DDR2: variants seen among roughly 807,000 people sequenced by gnomAD.
DDR2 encodes the protein discoidin domain receptor tyrosine kinase 2.
DDR2 carries 27 observed loss-of-function variants against 94.9 expected under a neutral mutation model. The observed-to-expected ratio is 0.28, with a 90% CI of 0.21 to 0.39. The LOEUF (loss-of-function observed/expected upper bound fraction) is 0.39. Among genes scored for constraint, DDR2 ranks in the 10% least tolerant of loss-of-function variants. DDR2 has a pLI of 1.00. For missense variants in DDR2, 783 were observed against 1,076.0 expected (o/e 0.73, Z 3.81); for synonymous variants, 382 against 377.2 (o/e 1.01, Z -0.15).
chr1:162,666,527 C>A (rs1658576484), intron 2 of DDR2, among the ~76,000 whole-genome samples: 1 of 151,988 alleles, frequency 6.6e-6, no homozygotes. Flanking sequence ...TTGAGTAAAC[C>A]CCTTTATCAC....
At chr1:162,667,522 C>T (rs1658643103) in intron 2 of DDR2, among the ~76,000 whole-genome samples, 1 of 152,146 alleles carries the variant, frequency 6.6e-6, no homozygotes, top group Admixed American at 6.5e-5. Flanking sequence ...CAGGCAGTCA[C>T]ACTAAATTGT....
intron 9 of DDR2, among the ~76,000 whole-genome samples, 182 bp from the exon 10 acceptor site, chr1:162,765,819 G>A (rs751335573): frequency 1.3e-5 from 2 of 149,732 alleles, no homozygotes; most frequent in Non-Finnish European, 3.0e-5. Flanking sequence ...AGGAAAACTT[G>A]CTTTTACTAT....
intron 2 of DDR2, among the ~76,000 whole-genome samples, chr1:162,703,880 C>T (rs920772594): frequency 3.9e-5 from 6 of 152,172 alleles, no homozygotes; most frequent in African/African-American, 1.4e-4. Flanking sequence ...ACTTTGTGCG[C>T]ATGCCGGGAT....
At chr1:162,698,739 A>T (rs1660301454) in intron 2 of DDR2, among the ~76,000 whole-genome samples, 1 of 152,160 alleles carries the variant, frequency 6.6e-6, no homozygotes, top group South Asian at 2.1e-4. Context: ...GCTTGTAGGC[A>T]CTTTGTAATT....
At chr1:162,649,460 C>T (rs1311739360) in intron 1 of DDR2, among the ~76,000 whole-genome samples, 1 of 152,176 alleles carries the variant, frequency 6.6e-6, no homozygotes. Context: ...AACTGGTGAT[C>T]TTGGGTAAGT....
At chr1:162,753,519 C>A (rs762830089) in intron 4 of DDR2, among the ~76,000 whole-genome samples, 41 of 152,170 alleles carry the variant, frequency 2.7e-4, no homozygotes, top group Non-Finnish European at 5.6e-4. Flanking sequence ...AGGAGGCAGG[C>A]AACAGTGGCA....
intron 2 of DDR2, among the ~76,000 whole-genome samples, chr1:162,710,513 T>C (rs1660852795): frequency 1.3e-5 from 2 of 152,212 alleles, no homozygotes; most frequent in African/African-American, 4.8e-5. Context: ...TGTATGTGTT[T>C]GAGGGCCCAT....
At position 162,785,724 on chromosome 1, in the gene DDR2, G is replaced by A. The variant is rs1214094368; in HGVS notation, c.*5478G>A. On this transcript the variant is annotated 3_prime_UTR_variant, in exon 18 of 18. Coordinates refer to ENST00000367921, the MANE Select transcript of DDR2 (RefSeq NM_006182.4). ...GAATGTAGGGAGAATTGTTTTGCTT[G>A]TAACATGGAGAGTTTATTTTCAAGT... 6.6e-6 allele frequency: 1 copy of A among 152,198 alleles called. No individual in the cohort carries two copies. Among genetic ancestry groups the A allele is most frequent in the African/African-American group, 2.4e-5 (1 of 41,450 alleles). The allele number at this position is 152,198 out of a possible 1,614,324, so 9.4% of individuals were successfully genotyped here.
chr1:162,700,784 CAA>C (rs778193769), intron 2 of DDR2, among the ~76,000 whole-genome samples: 2 of 152,156 alleles, frequency 1.3e-5, no homozygotes, highest in Non-Finnish European at 2.9e-5. Flanking sequence ...AGGTGTTACT[CAA>C]AGTCATTAAT....
At chr1:162,717,052 T>A (rs1661199920) in intron 2 of DDR2, among the ~76,000 whole-genome samples, 1 of 152,142 alleles carries the variant, frequency 6.6e-6, no homozygotes, top group African/African-American at 2.4e-5. Context: ...AGAACAGTTT[T>A]TTTTTTTTTG....
chr1:162,727,479 T>C (rs1661749634), intron 3 of DDR2, among the ~76,000 whole-genome samples: 1 of 146,220 alleles, frequency 6.8e-6, no homozygotes, highest in Non-Finnish European at 1.5e-5. Context: ...TTACATGTTA[T>C]ATAGATATAT....
intron 2 of DDR2, among the ~76,000 whole-genome samples, chr1:162,702,057 AG>A (rs1451585049): frequency 6.6e-6 from 1 of 152,160 alleles, no homozygotes; most frequent in African/African-American, 2.4e-5. Context: ...CTAGTCACAA[AG>A]CCCAATTTAC....
chr1:162,713,879 G>T (rs1384470264), intron 2 of DDR2, among the ~76,000 whole-genome samples: 1 of 152,036 alleles, frequency 6.6e-6, no homozygotes, highest in Non-Finnish European at 1.5e-5. Flanking sequence ...AGAAATTATG[G>T]TATATGTATT....
chr1:162,711,061 G>A (rs957105668), intron 2 of DDR2, among the ~76,000 whole-genome samples: 1 of 152,182 alleles, frequency 6.6e-6, no homozygotes, highest in Non-Finnish European at 1.5e-5. Context: ...ATAGTCCCTA[G>A]CTTTTGGATC....
intron 3 of DDR2, among the ~76,000 whole-genome samples, chr1:162,749,125 A>G (rs933731508): frequency 6.6e-6 from 1 of 152,214 alleles, no homozygotes; most frequent in Non-Finnish European, 1.5e-5. Context: ...CACATTCAAA[A>G]GCTAGCAGAA....
chr1:162,641,342 A>C (rs2101888968), intron 1 of DDR2, among the ~76,000 whole-genome samples: 1 of 152,200 alleles, frequency 6.6e-6, no homozygotes, highest in East Asian at 1.9e-4. Flanking sequence ...CCTAGTTGTC[A>C]CCCTGTCCCC....
intron 3 of DDR2, among the ~76,000 whole-genome samples, chr1:162,742,746 G>A (rs1015398585): frequency 9.9e-5 from 15 of 152,130 alleles, no homozygotes; most frequent in Non-Finnish European, 1.5e-4. Flanking sequence ...CCAAGACTGG[G>A]AAGAAAAAGG....
At chr1:162,684,935 A>G (rs12116455) in intron 2 of DDR2, among the ~76,000 whole-genome samples, 7,267 of 152,134 alleles carry the variant, frequency 0.048, 219 homozygotes, top group South Asian at 0.085. Flanking sequence ...AAGCAGGAAA[A>G]TTTGAAATCT....
At chr1:162,769,845 C>A (rs917993317) in intron 11 of DDR2, among the ~76,000 whole-genome samples, 2 of 152,064 alleles carry the variant, frequency 1.3e-5, no homozygotes, top group African/African-American at 4.8e-5. Flanking sequence ...TCTAGGGTAT[C>A]AAAATGATCA....
Sources: gnomAD v4.1 joint callset for allele counts (sites outside exome capture counted in the v4.1 genomes callset) on GRCh38, gnomAD v4.1.1 for gene constraint, MANE v1.5 for transcripts, NCBI Gene and HGNC (gene_info 2026-07-23, HGNC 2026-07-21) for gene names.